The following SH3PXD2A variants were observed in gnomAD, a reference collection of about 807,000 sequenced individuals.
SH3PXD2A encodes SH3 and PX domains 2A, also known as SH3 and PX domain-containing protein 2A.
A neutral mutation model predicts 115.2 loss-of-function variants in SH3PXD2A; 32 were observed. That is an observed-to-expected ratio of 0.28 (90% CI 0.21 to 0.37). SH3PXD2A has a LOEUF of 0.37. SH3PXD2A is among the 10% of genes least tolerant of loss of function. SH3PXD2A has a pLI of 1.00. For synonymous variants in SH3PXD2A, 610 were observed against 629.1 expected, an observed-to-expected ratio of 0.97 and a Z score of 0.45; for missense variants, 1,328 against 1,498.7, an observed-to-expected ratio of 0.89 and a Z score of 1.88.
intron 3 of SH3PXD2A, 80 bp downstream of exon 3, chr10:103,767,014 T>C: frequency 1.9e-6 from 2 of 1,047,420 alleles, no homozygotes; most frequent in Non-Finnish European, 3.0e-6. Context: ...ATCTGCTGCT[T>C]AGTACTCTTC....
chr10:103,633,723 GTC>G (rs1164478704), intron 8 of SH3PXD2A, among the ~76,000 whole-genome samples: 4 of 61,980 alleles, frequency 6.5e-5, no homozygotes, highest in African/African-American at 8.1e-5. Flanking sequence ...GCAAGATTCT[GTC>G]TCAAAAAAAA....
intron 10 of SH3PXD2A, among the ~76,000 whole-genome samples, 179 bp downstream of exon 10, chr10:103,622,291 C>A (rs932978684): frequency 6.6e-6 from 1 of 152,212 alleles, no homozygotes; most frequent in Non-Finnish European, 1.5e-5. Flanking sequence ...CCAGTGCCAC[C>A]CTGATTCCCA....
intron 4 of SH3PXD2A, among the ~76,000 whole-genome samples, chr10:103,725,957 G>A (rs1031500725): frequency 3.3e-5 from 5 of 152,206 alleles, no homozygotes; most frequent in Non-Finnish European, 7.3e-5. Flanking sequence ...GGCCCAGTCC[G>A]ACATGGAGGG....
At chr10:103,697,253 T>C (rs1391470071) in intron 5 of SH3PXD2A, among the ~76,000 whole-genome samples, 1 of 152,074 alleles carries the variant, frequency 6.6e-6, no homozygotes, top group Non-Finnish European at 1.5e-5. Context: ...GAAGATGCAA[T>C]GTACAGTGTG....
intron 1 of SH3PXD2A, among the ~76,000 whole-genome samples, chr10:103,853,504 G>A (rs1842914686): frequency 1.3e-5 from 2 of 152,202 alleles, no homozygotes; most frequent in South Asian, 4.2e-4. Flanking sequence ...TTGCCAAGGT[G>A]GCACAGCTAG....
chr10:103,851,148 GA>G (rs11357351), intron 1 of SH3PXD2A, among the ~76,000 whole-genome samples: 17,956 of 140,490 alleles, frequency 0.13, 2,071 homozygotes, highest in African/African-American at 0.31. Flanking sequence ...TAAGGGCTGA[GA>G]AAAAAAAAAA....
chr10:103,687,635 C>G (rs1365460225), intron 6 of SH3PXD2A, among the ~76,000 whole-genome samples: 1 of 152,228 alleles, frequency 6.6e-6, no homozygotes, highest in Non-Finnish European at 1.5e-5. Context: ...CATAACCCAT[C>G]CTGCCTAGTC....
In SH3PXD2A at chr10:103,834,703, T is replaced by G. The variant is rs987103092; in HGVS notation, c.72+20492A>C. On this transcript the variant is annotated intron_variant, in intron 1 of 14. Transcript: ENST00000369774. ...GGTATTTTTACCATTAACGTTGCTT[T>G]TATGCCAGCCACCAACTCTAGGAGT... is the stretch of plus-strand genomic sequence containing the variant. 2.6e-5 allele frequency among the ~76,000 whole-genome samples: 4 copies of G among 152,206 alleles called. No individual in the cohort carries two copies. The East Asian group carries it at 7.7e-4, about 29-fold the overall frequency.
At chr10:103,678,637 C>A (rs892314318) in intron 6 of SH3PXD2A, among the ~76,000 whole-genome samples, 9 of 152,220 alleles carry the variant, frequency 5.9e-5, no homozygotes, top group African/African-American at 2.2e-4. Flanking sequence ...AAGGGCTGCT[C>A]TTTCCCTGTC....
At chr10:103,684,313 G>C (rs939557150) in intron 6 of SH3PXD2A, among the ~76,000 whole-genome samples, 16 of 152,058 alleles carry the variant, frequency 1.1e-4, no homozygotes, top group African/African-American at 3.9e-4. Context: ...TCTCTTAAAA[G>C]CTTCCTCTAT....
intron 5 of SH3PXD2A, among the ~76,000 whole-genome samples, chr10:103,716,055 G>A (rs1226947536): frequency 6.6e-6 from 1 of 152,220 alleles, no homozygotes; most frequent in East Asian, 1.9e-4. Context: ...GTCATGCAGA[G>A]GAGAGTGTTT....
intron 3 of SH3PXD2A, among the ~76,000 whole-genome samples, chr10:103,753,172 C>A (rs1419461153): frequency 6.6e-6 from 1 of 151,798 alleles, no homozygotes; most frequent in African/African-American, 2.4e-5. Context: ...CACTTTGTGG[C>A]AAGGACATAA....
At chr10:103,786,553 G>C (rs1457960964) in intron 2 of SH3PXD2A, among the ~76,000 whole-genome samples, 1 of 152,178 alleles carries the variant, frequency 6.6e-6, no homozygotes, top group African/African-American at 2.4e-5. Context: ...TGTACTCCCA[G>C]CTACTCAGGA....
At chr10:103,719,582 C>T (rs1190427308) in intron 5 of SH3PXD2A, among the ~76,000 whole-genome samples, 1 of 152,188 alleles carries the variant, frequency 6.6e-6, no homozygotes, top group African/African-American at 2.4e-5. Flanking sequence ...AGAACAAAGA[C>T]AAGTTCATAC....
intron 1 of SH3PXD2A, among the ~76,000 whole-genome samples, chr10:103,829,691 G>A (rs551909585): frequency 1.3e-5 from 2 of 152,180 alleles, no homozygotes; most frequent in African/African-American, 2.4e-5. Flanking sequence ...CATAACATGC[G>A]CATAACATAG....
At chr10:103,739,704 G>A (rs568296278) in intron 3 of SH3PXD2A, among the ~76,000 whole-genome samples, 1 of 152,320 alleles carries the variant, frequency 6.6e-6, no homozygotes, top group African/African-American at 2.4e-5. Context: ...TCCAGATGCC[G>A]CCCTAGGAAT....
intron 5 of SH3PXD2A, among the ~76,000 whole-genome samples, chr10:103,698,089 G>A (rs1233493419): frequency 6.6e-6 from 1 of 152,232 alleles, no homozygotes; most frequent in African/African-American, 2.4e-5. Context: ...TTGGCCACAA[G>A]GAGAGGTCAC....
At chr10:103,720,024 T>C (rs1392092935) in intron 5 of SH3PXD2A, among the ~76,000 whole-genome samples, 5 of 152,186 alleles carry the variant, frequency 3.3e-5, no homozygotes, top group African/African-American at 1.2e-4. Context: ...CCGGCCACAC[T>C]AGGTAATTTC....
At chr10:103,675,964 G>A (rs951929222) in intron 6 of SH3PXD2A, among the ~76,000 whole-genome samples, 1 of 152,072 alleles carries the variant, frequency 6.6e-6, no homozygotes, top group African/African-American at 2.4e-5. Context: ...GCTTGAATCC[G>A]GGAGGCGGAG....
Sources: allele counts gnomAD v4.1 joint callset (sites outside exome capture counted in the v4.1 genomes callset), GRCh38; gene constraint gnomAD v4.1.1; transcripts MANE v1.5; gene names NCBI Gene and HGNC (gene_info 2026-07-23, HGNC 2026-07-21).